The following MS4A8 variants were observed in gnomAD, a reference collection of about 807,000 sequenced individuals.
The protein encoded by MS4A8 is membrane-spanning 4-domains subfamily A member 8.
Under a neutral mutation model 23.7 loss-of-function variants are expected in MS4A8, and 27 were observed. That is an observed-to-expected ratio of 1.14 (90% CI 0.84 to 1.57). The LOEUF is 1.57. Among genes scored for constraint, MS4A8 ranks in the 40% most tolerant of loss-of-function variants. The pLI is 0.00. For missense variants in MS4A8, 301 were observed against 311.4 expected (o/e 0.97, Z 0.25); for synonymous variants, 138 against 126.3 (o/e 1.09, Z -0.62).
chr11:60,712,265 G>A (rs1212674126), intron 5 of MS4A8: 2 of 949,294 alleles, frequency 2.1e-6, no homozygotes, highest in Non-Finnish European at 2.5e-6. Flanking sequence ...CCTTTTTGCT[G>A]TTCTGTAGCT....
chr11:60,700,366 G>A (rs1011732722), intron 1 of MS4A8, among the ~76,000 whole-genome samples: 1 of 152,024 alleles, frequency 6.6e-6, no homozygotes, highest in Non-Finnish European at 1.5e-5. Context: ...GCCAACAGGG[G>A]GAAACCCCAT....
intron 1 of MS4A8, among the ~76,000 whole-genome samples, chr11:60,700,431 A>T (rs2088192699): frequency 6.6e-6 from 1 of 152,190 alleles, no homozygotes; most frequent in South Asian, 2.1e-4. Context: ...CTGTAATCCC[A>T]GATACTCAGG....
At chr11:60,699,802 T>G (rs1423043034) in intron 1 of MS4A8, 27 bp downstream of exon 1, 1 of 152,384 alleles carries the variant, frequency 6.6e-6, no homozygotes, top group African/African-American at 2.4e-5. Flanking sequence ...TGGTGGTTGG[T>G]AACTGGGAGT....
intron 5 of MS4A8, among the ~76,000 whole-genome samples, chr11:60,710,622 A>C (rs2088292921): frequency 6.6e-6 from 1 of 151,000 alleles, no homozygotes; most frequent in Non-Finnish European, 1.5e-5. Flanking sequence ...CCTTTCTCCT[A>C]CTCTGGGCTC....
At chr11:60,713,266 G>C (rs1265561084) in intron 5 of MS4A8, among the ~76,000 whole-genome samples, 2 of 152,186 alleles carry the variant, frequency 1.3e-5, no homozygotes, top group East Asian at 3.8e-4. Flanking sequence ...AAGAGACACA[G>C]AGATAAAGTA....
rs936290948 is a variant in MS4A8, at chr11:60,715,586, T to C, written c.*172T>C. The stretch of plus-strand genomic sequence containing the variant: ...AGTCTAGGAAACCATGCTGTTTCTC[T>C]ATCAAGAAGAAGACAGAGATTTTAA... On this transcript the variant is annotated 3_prime_UTR_variant, in exon 7 of 7. Transcript: ENST00000300226. The C allele has an allele frequency of 3.5e-5, 21 of 602,382 alleles. No homozygotes were observed. The highest frequency in any genetic ancestry group is 5.3e-5 in the Non-Finnish European group (18 of 341,488). The allele number at this position is 602,382 out of a possible 1,614,324, so 37.3% of individuals were successfully genotyped here.
At chr11:60,707,986 T>A (rs1180683949) in intron 4 of MS4A8, among the ~76,000 whole-genome samples, 1 of 151,682 alleles carries the variant, frequency 6.6e-6, no homozygotes, top group African/African-American at 2.4e-5. Flanking sequence ...CACACCACCA[T>A]GCCCAGCTAA....
chr11:60,715,336 T>C lies in MS4A8; in HGVS notation c.675T>C (p.Tyr225=), dbSNP rs1035714212. The change falls in exon 7 of 7, where the codon TAT becomes TAC. Residue 225 remains tyrosine, a synonymous_variant. Coordinates refer to ENST00000300226, the MANE Select transcript of MS4A8 (RefSeq NM_031457.2). ...TGAGTGTCATCTATCCAAACATCTATGCAGCAAACCCAGTGATCACCCCAG... is the reference window on the plus strand; with the variant it reads ...TGAGTGTCATCTATCCAAACATCTACGCAGCAAACCCAGTGATCACCCCAG... ...SNVSVIYPNI[Y]AANPVITPEP... 1 of 1,614,046 alleles carries C rather than the reference T, an allele frequency of 6.2e-7. No individual in the cohort carries two copies. Among genetic ancestry groups the C allele is most frequent in the Non-Finnish European group, 8.5e-7 (1 of 1,180,020 alleles).
intron 5 of MS4A8, among the ~76,000 whole-genome samples, chr11:60,714,536 A>G (rs2088326092): frequency 6.6e-6 from 1 of 152,160 alleles, no homozygotes; most frequent in Non-Finnish European, 1.5e-5. Context: ...ATTACTGAAG[A>G]TAAGACATCC....
At chr11:60,714,922 T>C in intron 5 of MS4A8, 99 bp from the exon 6 acceptor site, 1 of 840,640 alleles carries the variant, frequency 1.2e-6, no homozygotes, top group Non-Finnish European at 2.1e-6. Flanking sequence ...ATAGGGGACT[T>C]CCGCAAAGCC....
intron 4 of MS4A8, among the ~76,000 whole-genome samples, chr11:60,708,433 T>C (rs113071411): frequency 5.9e-5 from 9 of 152,348 alleles, no homozygotes; most frequent in African/African-American, 1.9e-4. Context: ...AAAAGAGTTA[T>C]AGAGATGGAT....
chr11:60,706,788 G>T (rs540525651), intron 3 of MS4A8, among the ~76,000 whole-genome samples, 200 bp from the exon 4 acceptor site: 7 of 152,222 alleles, frequency 4.6e-5, no homozygotes, highest in Admixed American at 6.5e-5. Flanking sequence ...TTAAAACCAG[G>T]TTTGCTGGAT....
intron 5 of MS4A8, 31 bp from the exon 6 acceptor site, chr11:60,714,990 C>T (rs1000775540): frequency 1.5e-5 from 22 of 1,513,748 alleles, no homozygotes; most frequent in Non-Finnish European, 2.0e-5. Context: ...CAGTCCCGTG[C>T]TCCTGTCCTC....
intron 5 of MS4A8, chr11:60,709,081 T>C (rs544631659): frequency 2.9e-6 from 1 of 347,296 alleles, no homozygotes; most frequent in Non-Finnish European, 5.5e-6. Flanking sequence ...TCACATTCTC[T>C]GCCTTCTTGC....
chr11:60,708,767 T>TA lies in MS4A8; in HGVS notation c.521dup (p.Tyr174Ter), dbSNP rs2088278677. 1.2e-6 allele frequency: 2 copies of TA among 1,613,922 alleles called. No individual in the cohort carries two copies. ...HPYAYPDYYP[Y>*]AWGVNPGMAI... ...ATATGCCTACCCCGACTATTATCCTTACGCCTGGGGTGTGGTGAGTATCCC... is the reference window on the plus strand; with the variant it reads ...ATATGCCTACCCCGACTATTATCCTTAACGCCTGGGGTGTGGTGAGTATCCC... Residue 174 changes from tyrosine (Y) to a stop codon, truncating the protein, a stop_gained and frameshift_variant, in exon 5 of 7, where the codon TAC (tyrosine) becomes TAAC (stop). Transcript: ENST00000300226. LOFTEE classifies it high-confidence loss of function.
rs867334851 is a variant in MS4A8 at position 60,708,670 on chromosome 11, G to T, written c.423G>T (p.Leu141Phe). Residue 141 changes from leucine to phenylalanine, a missense_variant, in exon 5 of 7, where the codon TTG (leucine) becomes TTT (phenylalanine). Coordinates refer to ENST00000300226, the MANE Select transcript of MS4A8 (RefSeq NM_031457.2). ...TTCAGCTGTCTGGCAGTTTGGGCTT[G>T]AACATCGTCAGTGCAATCTGCTCTG... Reference protein sequence around the residue: ...SYCLLSGSLGLNIVSAICSAV... With the variant: ...SYCLLSGSLGFNIVSAICSAV... 6.4e-7 allele frequency: 1 copy of T among 1,556,144 alleles called. No homozygotes were observed.
At chr11:60,714,597 C>T (rs1249652340) in intron 5 of MS4A8, among the ~76,000 whole-genome samples, 2 of 151,994 alleles carry the variant, frequency 1.3e-5, no homozygotes, top group Non-Finnish European at 2.9e-5. Context: ...CTGTGGCCTC[C>T]CCCTTCCCAC....
rs1267065688 is a variant in MS4A8, at chr11:60,700,949, T to C, written c.89T>C (p.Met30Thr). 5 of 1,614,224 alleles carry C rather than the reference T, an allele frequency of 3.1e-6. No homozygotes were observed. The highest frequency in any genetic ancestry group is 4.2e-6 in the Non-Finnish European group (5 of 1,180,030). ...HNGYPVTPGI[M>T]SHVPLYPNSQ... Reference sequence around the variant, plus strand: ...GGTTATCCTGTGACCCCAGGAATTATGTCTCACGTGCCCCTGTATCCAAAC... The same window carrying C: ...GGTTATCCTGTGACCCCAGGAATTACGTCTCACGTGCCCCTGTATCCAAAC... The change falls in exon 2 of 7, where the codon ATG (methionine) becomes ACG (threonine). Residue 30 changes from methionine to threonine, a missense_variant. Physicochemically the swap from Met to Thr is moderately conservative, Grantham distance 81. Coordinates refer to ENST00000300226, the MANE Select transcript of MS4A8 (RefSeq NM_031457.2).
intron 3 of MS4A8, among the ~76,000 whole-genome samples, chr11:60,704,318 A>C (rs1195196193): frequency 1.3e-5 from 2 of 151,710 alleles, no homozygotes; most frequent in African/African-American, 4.8e-5. Context: ...ACAAGATTTC[A>C]CCACGTTGGC....
Sources: allele counts gnomAD v4.1 joint callset (sites outside exome capture counted in the v4.1 genomes callset), GRCh38; gene constraint gnomAD v4.1.1; transcripts MANE v1.5; gene names NCBI Gene and HGNC (gene_info 2026-07-23, HGNC 2026-07-21).